Variants in DYSF observed in about 807,000 individuals in gnomAD.
DYSF encodes the protein dystrophy-associated fer-1-like 1.
In DYSF, 212 loss-of-function variants were observed where a neutral mutation model predicts 274.9. The ratio of observed to expected loss-of-function variants is 0.77; its 90% CI spans 0.69 to 0.86. DYSF has a LOEUF of 0.86. Among genes scored for constraint, DYSF ranks in the 40% least tolerant of loss-of-function variants. DYSF has a pLI of 0.00. For synonymous variants in DYSF, 1,091 were observed against 1,078.7 expected, an observed-to-expected ratio of 1.01 and a Z score of -0.22; for missense variants, 2,666 against 2,783.2, an observed-to-expected ratio of 0.96 and a Z score of 0.95.
chr2:71,675,871 A>G (rs560280378), intron 52 of DYSF, among the ~76,000 whole-genome samples: 17 of 152,214 alleles, frequency 1.1e-4, no homozygotes, highest in Non-Finnish European at 2.5e-4. Context: ...ATGCATACAT[A>G]TATAATATAT....
chr2:71,613,515 C>A lies in DYSF; in HGVS notation c.4464+105C>A, dbSNP rs2093816309. On this transcript the variant is annotated intron_variant, in intron 40 of 55. Transcript: ENST00000410020. Reference sequence around the variant, plus strand: ...CCTTCATTATCACACAGCCTCTATACACATCCCCTTCTGGGCTCTGCGGTT... The same window carrying A: ...CCTTCATTATCACACAGCCTCTATAAACATCCCCTTCTGGGCTCTGCGGTT... 5 of 1,008,162 alleles carry A rather than the reference C, an allele frequency of 5.0e-6. No homozygotes were observed. In the East Asian group the frequency reaches 1.3e-4, roughly 26 times the overall value. The allele number at this position is 1,008,162 out of a possible 1,614,324, so 62.5% of individuals were successfully genotyped here.
At chr2:71,519,092 CAAAAAAAAAAAAAA>C (rs70959240) in intron 10 of DYSF, among the ~76,000 whole-genome samples, 14 of 59,730 alleles carry the variant, frequency 2.3e-4, no homozygotes, top group East Asian at 1.2e-3. Flanking sequence ...CACTCCATCT[CAAAAAAAAAAAAAA>C]AAAAAAAAAA....
intron 26 of DYSF, 108 bp from the exon 27 acceptor site, chr2:71,569,712 T>G: frequency 5.7e-5 from 50 of 877,796 alleles, no homozygotes; most frequent in Non-Finnish European, 8.1e-5. Context: ...TCTCTCATTG[T>G]TGGTTGGGGT....
At chr2:71,563,773 G>C (rs2091922581) in intron 23 of DYSF, among the ~76,000 whole-genome samples, 1 of 152,228 alleles carries the variant, frequency 6.6e-6, no homozygotes, top group East Asian at 1.9e-4. Context: ...AGGCAGGAGT[G>C]TCTCTTCCCA....
rs2094772254 is a variant in DYSF, at chr2:71,656,434, AT to A, written c.4755+145del. 4.0e-6 allele frequency: 5 copies of A among 1,242,864 alleles called. No homozygotes were observed. The Admixed American group carries it at 5.1e-5, about 13-fold the overall frequency. The allele number at this position is 1,242,864 out of a possible 1,614,324, so 77.0% of individuals were successfully genotyped here. On this transcript the variant is annotated intron_variant, in intron 43 of 55. Transcript: ENST00000410020. ...ATGGGTAATGGAGGTGGTGATGGTG[AT>A]GCCGCTGACGCAGAATCTGACTGGT...
intron 1 of DYSF, among the ~76,000 whole-genome samples, chr2:71,478,262 A>C (rs1377745343): frequency 1.3e-5 from 2 of 148,578 alleles, no homozygotes; most frequent in African/African-American, 2.5e-5. Flanking sequence ...CCCAGGCTGG[A>C]GTGCAGTGGT....
chr2:71,630,947 A>G (rs2094303240), intron 41 of DYSF, among the ~76,000 whole-genome samples: 1 of 152,188 alleles, frequency 6.6e-6, no homozygotes, highest in Non-Finnish European at 1.5e-5. Context: ...TGTAGGAGGC[A>G]TTCTTCCCTG....
chr2:71,540,141 T>C (rs2089794945), intron 17 of DYSF, among the ~76,000 whole-genome samples: 1 of 150,966 alleles, frequency 6.6e-6, no homozygotes, highest in African/African-American at 2.5e-5. Flanking sequence ...AGATGGAGTC[T>C]TGCCCTGTTG....
intron 46 of DYSF, 42 bp downstream of exon 46, chr2:71,664,480 A>G (rs993939506): frequency 6.2e-7 from 1 of 1,609,652 alleles, no homozygotes; most frequent in Non-Finnish European, 8.5e-7. Flanking sequence ...CTGACAACAC[A>G]CCACCCCTGT....
intron 36 of DYSF, among the ~76,000 whole-genome samples, chr2:71,604,655 C>A (rs550892085): frequency 2.0e-5 from 3 of 152,290 alleles, no homozygotes; most frequent in African/African-American, 7.2e-5. Context: ...CCAGTAGGAA[C>A]GGATGGGGCA....
At chr2:71,506,604 G>C (rs1299679374) in intron 4 of DYSF, among the ~76,000 whole-genome samples, 1 of 152,044 alleles carries the variant, frequency 6.6e-6, no homozygotes, top group African/African-American at 2.4e-5. Flanking sequence ...AGAGCACAGG[G>C]CTCACATATA....
At chr2:71,626,300 A>C (rs1221651962) in intron 41 of DYSF, among the ~76,000 whole-genome samples, 1 of 116,158 alleles carries the variant, frequency 8.6e-6, no homozygotes, top group East Asian at 2.6e-4. Flanking sequence ...GAATCTTACT[A>C]GTTAGCTGTT....
intron 32 of DYSF, among the ~76,000 whole-genome samples, chr2:71,596,404 C>T (rs1377598328): frequency 1.3e-5 from 2 of 152,128 alleles, no homozygotes; most frequent in Admixed American, 6.5e-5. Flanking sequence ...AAGCACGGGG[C>T]GGGGCGGGAA....
chr2:71,618,567 TTTGTGTGGGGTAGA>T (rs2093996413), intron 40 of DYSF, among the ~76,000 whole-genome samples: 1 of 14,986 alleles, frequency 6.7e-5, no homozygotes, highest in Non-Finnish European at 1.4e-4. Context: ...GGAGTGTGTG[TTTGTGTGGGGTAGA>T]GTTGTGTGTG....
intron 1 of DYSF, among the ~76,000 whole-genome samples, chr2:71,480,161 T>C (rs1031545213): frequency 6.6e-6 from 1 of 152,214 alleles, no homozygotes; most frequent in Non-Finnish European, 1.5e-5. Context: ...ACATTTCTTA[T>C]AGATGGAATC....
At position 71,602,762 on chromosome 2, in the gene DYSF, TG is replaced by T. The variant is rs749491542; in HGVS notation, c.3928-12del. On this transcript the variant is annotated splice_polypyrimidine_tract_variant and intron_variant, in intron 35 of 55. Coordinates refer to ENST00000410020, the MANE Select transcript of DYSF (RefSeq NM_001130987.2). ...CATCTCCTGGATGTGCCACATCCCA[TG>T]GCTGTGGGCCAGGTGCAGGAGACAT... 5 of 1,612,690 alleles carry T rather than the reference TG, an allele frequency of 3.1e-6. No individual in the cohort carries two copies.
At chr2:71,628,016 A>G (rs1049947232) in intron 41 of DYSF, among the ~76,000 whole-genome samples, 24 of 152,178 alleles carry the variant, frequency 1.6e-4, no homozygotes, top group African/African-American at 5.1e-4. Context: ...GATAGATTCT[A>G]TTTGTGTTTA....
chr2:71,644,205 C>A, intron 42 of DYSF, 142 bp downstream of exon 42: 1 of 812,778 alleles, frequency 1.2e-6, no homozygotes, highest in South Asian at 1.5e-5. Flanking sequence ...TGCTGCTAGA[C>A]CAGCTGGGTG....
chr2:71,561,041 C>T lies in DYSF; in HGVS notation c.2217-711C>T, dbSNP rs542724867. ...ATATGAAGGACTTTCAGGGCGCCTC[C>T]GTGGGATGGGGGAGGTCAGAGTTCT... On this transcript the variant is annotated intron_variant, in intron 22 of 55. Transcript: ENST00000410020. Among the ~76,000 whole-genome samples the T allele has an allele frequency of 2.6e-5, 4 of 152,270 alleles. No homozygotes were observed. In the South Asian group the frequency reaches 6.2e-4, roughly 24 times the overall value.
Sources: gnomAD v4.1 joint callset for allele counts (sites outside exome capture counted in the v4.1 genomes callset) on GRCh38, gnomAD v4.1.1 for gene constraint, MANE v1.5 for transcripts, NCBI Gene and HGNC (gene_info 2026-07-23, HGNC 2026-07-21) for gene names.